The following ITSN1 variants were observed in gnomAD, a reference collection of about 807,000 sequenced individuals.
The protein encoded by ITSN1 is intersectin 1.
ITSN1 carries 58 observed loss-of-function variants against 239.8 expected under a neutral mutation model. The observed-to-expected ratio is 0.24, with a 90% CI of 0.20 to 0.30. The LOEUF is 0.30. ITSN1 is among the 10% of genes least tolerant of loss of function. The pLI, the probability that ITSN1 is intolerant of heterozygous loss-of-function variation, is 1.00. For missense variants in ITSN1, 1,558 were observed against 2,103.3 expected, an observed-to-expected ratio of 0.74 and a Z score of 5.07; for synonymous variants, 780 against 770.8, an observed-to-expected ratio of 1.01 and a Z score of -0.20.
intron 20 of ITSN1, among the ~76,000 whole-genome samples, chr21:33,807,907 C>T (rs1276522567): frequency 2.6e-5 from 4 of 151,796 alleles, no homozygotes; most frequent in African/African-American, 7.2e-5. Context: ...GGCTTTTGGC[C>T]GGGCGCGGTG....
At chr21:33,772,782 A>T (rs184717322) in intron 12 of ITSN1, among the ~76,000 whole-genome samples, 2 of 152,262 alleles carry the variant, frequency 1.3e-5, no homozygotes. Context: ...CATTGTGGCT[A>T]TTATAAACAA....
chr21:33,734,066 G>C (rs1208315594), intron 4 of ITSN1, among the ~76,000 whole-genome samples: 3 of 151,952 alleles, frequency 2.0e-5, no homozygotes, highest in Non-Finnish European at 1.5e-5. Context: ...TATTTTAATT[G>C]AACTGTCTTA....
In ITSN1 at chr21:33,690,775, GTATATATATATATACATATATATATATA is replaced by G. The variant is rs1227484362; in HGVS notation, c.-32-28010_-32-27983del. Among the ~76,000 whole-genome samples, 14 of 21,624 alleles carry G rather than the reference GTATATATATATATACATATATATATATA, an allele frequency of 6.5e-4. 1 individual carries two copies. Among genetic ancestry groups the G allele is most frequent in the South Asian group, 3.0e-3 (2 of 672 alleles). The allele number at this position is 21,624 out of a possible 152,430, so 14.2% of individuals were successfully genotyped here. A position where few individuals can be genotyped will look rare whatever the true frequency, so the allele number is the denominator to read the frequency against. ...GGCTCTGCCTCAGAAAAAAAAAAGTGTATATATATATATACATATATATATATATATATATATATGTATATATATATAT... is the reference window on the plus strand; with the variant it reads ...GGCTCTGCCTCAGAAAAAAAAAAGTGTATATATATATGTATATATATATAT... On this transcript the variant is annotated intron_variant, in intron 1 of 39. Transcript: ENST00000381318.
chr21:33,754,851 G>C lies in ITSN1; in HGVS notation c.624-446G>C, dbSNP rs369833969. 1.8e-4 allele frequency among the ~76,000 whole-genome samples: 27 copies of C among 152,262 alleles called. No individual in the cohort carries two copies. The East Asian group carries it at 4.4e-3, about 25-fold the overall frequency. ...TAAGAAATGGGTCCTGTATATTCAC[G>C]TATAGAAAGTTAAAACATTTTGGAG... On this transcript the variant is annotated intron_variant, in intron 7 of 39. Coordinates refer to ENST00000381318, the MANE Select transcript of ITSN1 (RefSeq NM_003024.3).
At chr21:33,655,699 C>T (rs893472596) in intron 1 of ITSN1, among the ~76,000 whole-genome samples, 5 of 150,620 alleles carry the variant, frequency 3.3e-5, no homozygotes, top group Non-Finnish European at 5.9e-5. Context: ...TCCCAAAGTG[C>T]TGGAATTACA....
In ITSN1 at chr21:33,655,753, G is replaced by A. The variant is rs148902141; in HGVS notation, c.-33+13040G>A. Among the ~76,000 whole-genome samples, 535 of 152,092 alleles carry A rather than the reference G, an allele frequency of 3.5e-3. 4 individuals are homozygous for A. The highest frequency in any genetic ancestry group is 0.012 in the African/African-American group (503 of 41,468). On this transcript the variant is annotated intron_variant, in intron 1 of 39. Coordinates refer to ENST00000381318, the MANE Select transcript of ITSN1 (RefSeq NM_003024.3). ...GGGCCTTGAAACAAGACTCTAAAGT[G>A]TACTGTCGAAATACCAAGAAGTTGA...
At chr21:33,862,166 A>C (rs1980733289) in intron 31 of ITSN1, among the ~76,000 whole-genome samples, 1 of 21,972 alleles carries the variant, frequency 4.6e-5, no homozygotes, top group Non-Finnish European at 4.5e-4. Flanking sequence ...CTGTGTCACA[A>C]AAAAAAAAAA....
At chr21:33,697,844 C>G (rs1042505310) in intron 1 of ITSN1, among the ~76,000 whole-genome samples, 3 of 152,130 alleles carry the variant, frequency 2.0e-5, no homozygotes, top group African/African-American at 7.2e-5. Context: ...TTATGAATGG[C>G]TCTCCTATCT....
chr21:33,876,139 T>C (rs954612268), intron 34 of ITSN1, among the ~76,000 whole-genome samples: 3 of 14,664 alleles, frequency 2.0e-4, no homozygotes, highest in African/African-American at 2.1e-3. Flanking sequence ...CTTTCTTTCT[T>C]TCTTTCTTTC....
chr21:33,834,509 G>T, intron 28 of ITSN1, 85 bp downstream of exon 28: 1 of 983,194 alleles, frequency 1.0e-6, no homozygotes, highest in South Asian at 1.4e-5. Context: ...AATATCTTAG[G>T]TTGTTTTTCA....
intron 1 of ITSN1, among the ~76,000 whole-genome samples, chr21:33,709,571 C>T (rs1006173600): frequency 1.7e-4 from 26 of 152,098 alleles, no homozygotes; most frequent in East Asian, 3.9e-4. Flanking sequence ...CGTGAGGCAC[C>T]GCGCCCAGCC....
At chr21:33,807,488 C>A (rs2072548683) in intron 20 of ITSN1, among the ~76,000 whole-genome samples, 1 of 152,184 alleles carries the variant, frequency 6.6e-6, no homozygotes, top group Non-Finnish European at 1.5e-5. Flanking sequence ...CAGGCATGTG[C>A]CACCACGCCC....
At chr21:33,739,859 T>A (rs964925717) in intron 5 of ITSN1, among the ~76,000 whole-genome samples, 2 of 152,198 alleles carry the variant, frequency 1.3e-5, no homozygotes, top group Non-Finnish European at 2.9e-5. Context: ...GATAGACTTA[T>A]CTGTGTTATC....
intron 4 of ITSN1, among the ~76,000 whole-genome samples, chr21:33,723,607 C>G (rs961534801): frequency 9.9e-5 from 15 of 152,138 alleles, no homozygotes; most frequent in African/African-American, 2.2e-4. Context: ...GAGCGAGACT[C>G]CGTCTCCAAA....
At chr21:33,741,181 T>A (rs1361297844) in intron 5 of ITSN1, among the ~76,000 whole-genome samples, 1 of 152,188 alleles carries the variant, frequency 6.6e-6, no homozygotes, top group Non-Finnish European at 1.5e-5. Flanking sequence ...CTTTTGAAAG[T>A]CTGAATGATG....
At chr21:33,657,288 CT>C (rs2089174448) in intron 1 of ITSN1, among the ~76,000 whole-genome samples, 1 of 152,168 alleles carries the variant, frequency 6.6e-6, no homozygotes, top group African/African-American at 2.4e-5. Context: ...TCTGCAGAAG[CT>C]TTCTTGACCT....
chr21:33,754,286 C>G (rs1041788298), intron 7 of ITSN1: 20 of 152,002 alleles, frequency 1.3e-4, no homozygotes, highest in African/African-American at 4.8e-4. Context: ...AAGTACTTCT[C>G]GAGTGTTTGG....
At chr21:33,713,526 G>GC (rs35270114) in intron 1 of ITSN1, among the ~76,000 whole-genome samples, 152,294 of 152,294 alleles carry the variant, frequency 1, 76,147 homozygotes, top group Non-Finnish European at 1. Context: ...ACAGGCGTGA[G>GC]CACCACTCCC....
intron 33 of ITSN1, among the ~76,000 whole-genome samples, chr21:33,870,957 G>A (rs759693999): frequency 2.0e-5 from 3 of 152,062 alleles, no homozygotes; most frequent in Non-Finnish European, 4.4e-5. Flanking sequence ...TTACATCTGC[G>A]TATGCCTGCC....
Sources: gnomAD v4.1 joint callset for allele counts (sites outside exome capture counted in the v4.1 genomes callset) on GRCh38, gnomAD v4.1.1 for gene constraint, MANE v1.5 for transcripts, NCBI Gene and HGNC (gene_info 2026-07-23, HGNC 2026-07-21) for gene names.